The following CPS1 variants were observed in gnomAD, a reference collection of about 807,000 sequenced individuals.
CPS1 encodes the protein carbamoyl-phosphate synthase 1, also known as carbamoyl-phosphate synthase [ammonia], mitochondrial.
Under a neutral mutation model 174.6 loss-of-function variants are expected in CPS1, and 109 were observed. The observed-to-expected ratio is 0.62, with a 90% CI of 0.53 to 0.73. The LOEUF is 0.73. CPS1 is among the 30% of genes least tolerant of loss of function. The probability of loss-of-function intolerance (pLI) is 0.00; values close to 1 mark genes in which losing one functional copy is unlikely to be tolerated. For synonymous variants in CPS1, 637 were observed against 632.0 expected (o/e 1.01, Z -0.12); for missense variants, 1,689 against 1,821.9 (o/e 0.93, Z 1.33).
At position 210,619,631 on chromosome 2, in the gene CPS1, C is replaced by T. The variant is rs187248748; in HGVS notation, c.2687+3090C>T. 249 of 152,084 alleles carry T rather than the reference C, an allele frequency of 1.6e-3. 1 individual carries two copies. Among genetic ancestry groups the T allele is most frequent in the African/African-American group, 5.4e-3 (225 of 41,490 alleles). The allele number at this position is 152,084 out of a possible 1,614,324, so 9.4% of individuals were successfully genotyped here. On this transcript the variant is annotated intron_variant, in intron 21 of 37. Transcript: ENST00000233072. ...ATGCATCACTTATTTTAATATCAGA[C>T]CTATTTTTTAAAGGAAGCAATTGAT...
At chr2:210,559,870 T>C (rs769670204) in intron 1 of CPS1, among the ~76,000 whole-genome samples, 6 of 152,110 alleles carry the variant, frequency 3.9e-5, no homozygotes, top group South Asian at 2.1e-4. Context: ...TCAAAAATCT[T>C]TAAAGTTTTA....
At chr2:210,639,874 A>C in intron 23 of CPS1, 122 bp from the exon 24 acceptor site, 1 of 744,824 alleles carries the variant, frequency 1.3e-6, no homozygotes, top group Non-Finnish European at 2.4e-6. Flanking sequence ...AGAGACTAAT[A>C]GAGAATACAT....
chr2:210,571,612 A>G (rs1031636231), intron 1 of CPS1, among the ~76,000 whole-genome samples: 1 of 151,986 alleles, frequency 6.6e-6, no homozygotes, highest in Non-Finnish European at 1.5e-5. Flanking sequence ...AATATAGTAT[A>G]TTGGTTTAAA....
At chr2:210,517,708 G>A (rs556836070) in intron 1 of CPS1, among the ~76,000 whole-genome samples, 5 of 151,692 alleles carry the variant, frequency 3.3e-5, no homozygotes, top group Non-Finnish European at 7.4e-5. Flanking sequence ...TTTTCTTTTT[G>A]TATCTGAATA....
chr2:210,509,377 A>G (rs1257919881), intron 1 of CPS1, among the ~76,000 whole-genome samples: 1 of 152,228 alleles, frequency 6.6e-6, no homozygotes, highest in East Asian at 1.9e-4. Context: ...GATGGGACAT[A>G]TCTCAAAATA....
intron 1 of CPS1, among the ~76,000 whole-genome samples, chr2:210,486,417 A>G (rs1348154623): frequency 1.3e-5 from 2 of 152,126 alleles, no homozygotes; most frequent in Non-Finnish European, 2.9e-5. Context: ...ACACGTGCCC[A>G]ACACCCTTGC....
intron 20 of CPS1, among the ~76,000 whole-genome samples, chr2:210,614,611 ATC>A (rs1453326577): frequency 1.3e-5 from 2 of 151,980 alleles, no homozygotes; most frequent in Admixed American, 1.3e-4. Flanking sequence ...ATGAGATGGT[ATC>A]TCATTGTGGT....
At chr2:210,536,115 C>T (rs1277968124) in intron 1 of CPS1, among the ~76,000 whole-genome samples, 6 of 152,086 alleles carry the variant, frequency 3.9e-5, no homozygotes, top group Non-Finnish European at 7.4e-5. Flanking sequence ...TCAGACTTAT[C>T]ATACATGTAT....
chr2:210,639,295 C>G, intron 23 of CPS1, 80 bp downstream of exon 23: 1 of 1,138,236 alleles, frequency 8.8e-7, no homozygotes, highest in Non-Finnish European at 1.3e-6. Flanking sequence ...TATTTTTTAC[C>G]TCTTTGGATA....
chr2:210,621,295 A>G (rs555526264), intron 21 of CPS1, among the ~76,000 whole-genome samples: 1 of 152,228 alleles, frequency 6.6e-6, no homozygotes, highest in Admixed American at 6.5e-5. Flanking sequence ...TAGGATTCGA[A>G]TACTTGTTAT....
At chr2:210,633,261 T>C (rs1159674315) in intron 21 of CPS1, among the ~76,000 whole-genome samples, 1 of 152,152 alleles carries the variant, frequency 6.6e-6, no homozygotes, top group Non-Finnish European at 1.5e-5. Flanking sequence ...TAGTGACAGA[T>C]GGCTTTTTTT....
chr2:210,667,755 C>A (rs142501744), intron 33 of CPS1, among the ~76,000 whole-genome samples: 1 of 152,132 alleles, frequency 6.6e-6, no homozygotes, highest in Non-Finnish European at 1.5e-5. Context: ...TAAATTCATG[C>A]ACGGCTGCAT....
At chr2:210,502,438 A>G (rs868345992) in intron 1 of CPS1, among the ~76,000 whole-genome samples, 25 of 144,392 alleles carry the variant, frequency 1.7e-4, no homozygotes, top group Middle Eastern at 3.6e-3. Context: ...AGAGAGATAT[A>G]GAGATATCTA....
intron 1 of CPS1, among the ~76,000 whole-genome samples, chr2:210,530,388 A>T (rs765042705): frequency 2.0e-4 from 31 of 152,116 alleles, no homozygotes; most frequent in Non-Finnish European, 4.1e-4. Flanking sequence ...AAATAAAATT[A>T]TTCACTATTT....
intron 1 of CPS1, among the ~76,000 whole-genome samples, chr2:210,520,590 A>G (rs1286193959): frequency 1.3e-5 from 2 of 151,974 alleles, no homozygotes; most frequent in African/African-American, 2.4e-5. Flanking sequence ...CCTTTTCATT[A>G]TCTCTCCTTT....
At chr2:210,576,880 G>A (rs116100512) in intron 3 of CPS1, among the ~76,000 whole-genome samples, 540 of 152,230 alleles carry the variant, frequency 3.5e-3, no homozygotes, top group African/African-American at 0.012. Flanking sequence ...TTTTATGCCA[G>A]TCTAAAAGTA....
chr2:210,651,607 C>T (rs1240037982), intron 28 of CPS1, among the ~76,000 whole-genome samples: 1 of 152,160 alleles, frequency 6.6e-6, no homozygotes, highest in African/African-American at 2.4e-5. Context: ...TTGTCTGCCT[C>T]GAACACTCCT....
intron 6 of CPS1, among the ~76,000 whole-genome samples, chr2:210,586,350 A>C (rs1698107727): frequency 6.6e-6 from 1 of 152,020 alleles, no homozygotes; most frequent in Non-Finnish European, 1.5e-5. Flanking sequence ...TTAATTTTAA[A>C]ATTGGTCCCA....
In CPS1 at chr2:210,678,305, A is replaced by C; in HGVS notation, c.*320A>C. The C allele has an allele frequency of 7.7e-6, 3 of 390,278 alleles. 1 individual carries two copies. Among genetic ancestry groups the C allele is most frequent in the South Asian group, 7.0e-5 (3 of 42,864 alleles). The allele number at this position is 390,278 out of a possible 1,614,324, so 24.2% of individuals were successfully genotyped here. Reference sequence around the variant, plus strand: ...TGATTAATGGTGATCAAGGTAGGAAAAGTTGCTGTTCTATTTTCTGAACTC... The same window carrying C: ...TGATTAATGGTGATCAAGGTAGGAACAGTTGCTGTTCTATTTTCTGAACTC... On this transcript the variant is annotated 3_prime_UTR_variant, in exon 38 of 38. Coordinates refer to ENST00000233072, the MANE Select transcript of CPS1 (RefSeq NM_001875.5).
Sources: gnomAD v4.1 joint callset for allele counts (sites outside exome capture counted in the v4.1 genomes callset) on GRCh38, gnomAD v4.1.1 for gene constraint, MANE v1.5 for transcripts, NCBI Gene and HGNC (gene_info 2026-07-23, HGNC 2026-07-21) for gene names.